KCNQ5: variants seen among roughly 807,000 people sequenced by gnomAD.
KCNQ5 encodes potassium voltage-gated channel subfamily KQT member 5.
A neutral mutation model predicts 98.2 loss-of-function variants in KCNQ5; 30 were observed. That is an observed-to-expected ratio of 0.31 (90% CI 0.23 to 0.41). The LOEUF is 0.41. Among genes scored for constraint, KCNQ5 ranks in the 10% least tolerant of loss-of-function variants. KCNQ5 has a pLI of 1.00. For missense variants in KCNQ5, 835 were observed against 1,182.5 expected (o/e 0.71, Z 4.31); for synonymous variants, 458 against 449.4 (o/e 1.02, Z -0.24).
intron 1 of KCNQ5, among the ~76,000 whole-genome samples, chr6:72,803,332 T>C (rs1484327910): frequency 6.6e-6 from 1 of 152,174 alleles, no homozygotes; most frequent in South Asian, 2.1e-4. Context: ...GGGAGAAAAG[T>C]CACCTCACTG....
chr6:73,102,845 G>T (rs1014122869), intron 5 of KCNQ5, among the ~76,000 whole-genome samples: 1 of 152,128 alleles, frequency 6.6e-6, no homozygotes, highest in Non-Finnish European at 1.5e-5. Flanking sequence ...GTACACTGTT[G>T]GTGGGAATGT....
intron 1 of KCNQ5, among the ~76,000 whole-genome samples, chr6:72,877,329 C>A (rs1315894287): frequency 6.6e-6 from 1 of 152,114 alleles, no homozygotes; most frequent in African/African-American, 2.4e-5. Context: ...GTTTTCTGTT[C>A]CTGTGTTAGT....
At chr6:72,820,250 A>G (rs1367312824) in intron 1 of KCNQ5, among the ~76,000 whole-genome samples, 1 of 152,176 alleles carries the variant, frequency 6.6e-6, no homozygotes, top group Non-Finnish European at 1.5e-5. Flanking sequence ...TACTATCACC[A>G]TCAGCTGTAA....
intron 5 of KCNQ5, among the ~76,000 whole-genome samples, chr6:73,082,887 C>CTTTT (rs66921503): frequency 1.4e-5 from 1 of 72,922 alleles, no homozygotes; most frequent in Non-Finnish European, 2.6e-5. Context: ...ATTACCAAAC[C>CTTTT]TTTTTTTTTT....
At chr6:73,135,595 C>T (rs1167317097) in intron 10 of KCNQ5, 1 of 152,182 alleles carries the variant, frequency 6.6e-6, no homozygotes, top group African/African-American at 2.4e-5. Context: ...CTGATTTCCT[C>T]CCAAGTGGTA....
intron 3 of KCNQ5, among the ~76,000 whole-genome samples, chr6:73,043,886 C>T (rs1027009375): frequency 3.3e-4 from 51 of 152,282 alleles, no homozygotes; most frequent in Admixed American, 2.7e-3. Context: ...TCTTTCTCTT[C>T]CTGCCTCAGA....
chr6:72,828,166 A>G (rs565214438), intron 1 of KCNQ5, among the ~76,000 whole-genome samples: 1 of 152,120 alleles, frequency 6.6e-6, no homozygotes, highest in African/African-American at 2.4e-5. Flanking sequence ...GTAGTGTGGT[A>G]CCACCATCTT....
At chr6:72,907,159 A>G (rs1779731575) in intron 1 of KCNQ5, among the ~76,000 whole-genome samples, 1 of 152,110 alleles carries the variant, frequency 6.6e-6, no homozygotes, top group Admixed American at 6.5e-5. Context: ...CATGCTTATA[A>G]AAGTCTACCC....
At chr6:72,685,867 T>C (rs1424145946) in intron 1 of KCNQ5, among the ~76,000 whole-genome samples, 1 of 152,230 alleles carries the variant, frequency 6.6e-6, no homozygotes, top group Non-Finnish European at 1.5e-5. Flanking sequence ...GCTTAAACAA[T>C]AGACATTTAT....
chr6:72,893,568 T>G (rs1004890988), intron 1 of KCNQ5, among the ~76,000 whole-genome samples: 6 of 152,132 alleles, frequency 3.9e-5, no homozygotes, highest in Non-Finnish European at 8.8e-5. Flanking sequence ...AACTAAATAT[T>G]GTACTGTTTT....
intron 2 of KCNQ5, among the ~76,000 whole-genome samples, chr6:73,039,679 A>G (rs1450465714): frequency 1.3e-5 from 2 of 152,134 alleles, no homozygotes; most frequent in Admixed American, 6.6e-5. Context: ...TTGAGAACAC[A>G]TTCTGTCTGA....
At chr6:73,171,372 G>A (rs574294793) in intron 11 of KCNQ5, among the ~76,000 whole-genome samples, 9 of 152,176 alleles carry the variant, frequency 5.9e-5, no homozygotes, top group Admixed American at 2.6e-4. Flanking sequence ...ATCCCAGTTT[G>A]GACAATCAAT....
At chr6:73,083,607 A>G (rs188049321) in intron 5 of KCNQ5, among the ~76,000 whole-genome samples, 123 of 152,344 alleles carry the variant, frequency 8.1e-4, no homozygotes, top group African/African-American at 2.9e-3. Flanking sequence ...AGAATATTAC[A>G]TTTATGTGCT....
At chr6:73,144,934 C>A (rs1776861518) in intron 10 of KCNQ5, among the ~76,000 whole-genome samples, 1 of 152,194 alleles carries the variant, frequency 6.6e-6, no homozygotes, top group African/African-American at 2.4e-5. Flanking sequence ...TTGGTCAAAG[C>A]AAATGGCAAG....
At chr6:72,716,149 T>G (rs1451759635) in intron 1 of KCNQ5, among the ~76,000 whole-genome samples, 2 of 152,198 alleles carry the variant, frequency 1.3e-5, no homozygotes, top group Non-Finnish European at 2.9e-5. Context: ...GAATTCCAAC[T>G]GATTTTTCAC....
At chr6:73,055,186 G>C (rs1380055071) in intron 3 of KCNQ5, 24 of 918,060 alleles carry the variant, frequency 2.6e-5, no homozygotes, top group Non-Finnish European at 4.0e-5. Context: ...ACGCCATCCT[G>C]AGCCCAGCGG....
In KCNQ5 at chr6:73,169,805, T is replaced by C. The variant is rs374300704; in HGVS notation, c.1528T>C (p.Ser510Pro). Residue 510 changes from serine to proline, a missense_variant, in exon 11 of 14, where the codon TCA (serine) becomes CCA (proline). Ser to Pro is a moderately conservative substitution (Grantham distance 74). Coordinates refer to ENST00000370398, the MANE Select transcript of KCNQ5 (RefSeq NM_019842.4). ...YDEKGCQCDV[S>P]VEDLTPPLKT... ...TGAAAAAGGATGCCAGTGTGATGTA[T>C]CAGTGGAAGACCTCACCCCACCACT... The C allele has an allele frequency of 6.2e-7, 1 of 1,614,028 alleles. No homozygotes were observed. The highest frequency in any genetic ancestry group is 8.5e-7 in the Non-Finnish European group (1 of 1,179,898).
intron 1 of KCNQ5, among the ~76,000 whole-genome samples, chr6:72,642,894 G>A (rs1314856837): frequency 6.6e-6 from 1 of 152,198 alleles, no homozygotes; most frequent in Non-Finnish European, 1.5e-5. Flanking sequence ...TAAAGAAAAT[G>A]TGGTACATGT....
chr6:72,996,362 G>A (rs376269465), intron 1 of KCNQ5, among the ~76,000 whole-genome samples: 13 of 152,320 alleles, frequency 8.5e-5, no homozygotes, highest in East Asian at 3.9e-4. Flanking sequence ...CAGAAGCAAC[G>A]TGTTAATAGA....
Sources: allele counts gnomAD v4.1 joint callset (sites outside exome capture counted in the v4.1 genomes callset), GRCh38; gene constraint gnomAD v4.1.1; transcripts MANE v1.5; gene names NCBI Gene and HGNC (gene_info 2026-07-23, HGNC 2026-07-21).